Variants in CHCHD3 observed in about 807,000 individuals in gnomAD.
The protein encoded by CHCHD3 is coiled-coil-helix-coiled-coil-helix domain containing 3, also known as MICOS complex subunit MIC19.
In CHCHD3, 20 loss-of-function variants were observed where a neutral mutation model predicts 38.2. The observed-to-expected ratio is 0.52, with a 90% CI of 0.37 to 0.76. The LOEUF (loss-of-function observed/expected upper bound fraction) is 0.76. Ranked by LOEUF, CHCHD3 falls within the 30% of genes least tolerant of loss-of-function variation. The probability of loss-of-function intolerance (pLI) is 0.00; values close to 1 mark genes in which losing one functional copy is unlikely to be tolerated. For synonymous variants in CHCHD3, 82 were observed against 100.0 expected (o/e 0.82, Z 1.07); for missense variants, 245 against 279.2 (o/e 0.88, Z 0.87).
At chr7:132,843,342 G>A (rs1807991534) in intron 5 of CHCHD3, among the ~76,000 whole-genome samples, 1 of 152,126 alleles carries the variant, frequency 6.6e-6, no homozygotes, top group South Asian at 2.1e-4. Flanking sequence ...TTATTTACAA[G>A]CAGCTTGGGT....
chr7:133,030,058 A>G (rs967210536), intron 2 of CHCHD3, among the ~76,000 whole-genome samples: 1 of 152,200 alleles, frequency 6.6e-6, no homozygotes, highest in African/African-American at 2.4e-5. Flanking sequence ...CAAGGTCACA[A>G]CTGAAAAAGT....
chr7:132,980,668 C>T (rs749383195), intron 3 of CHCHD3, among the ~76,000 whole-genome samples: 4 of 152,230 alleles, frequency 2.6e-5, no homozygotes, highest in South Asian at 4.2e-4. Flanking sequence ...GTCAATCAGG[C>T]GAGGGACTTA....
intron 4 of CHCHD3, among the ~76,000 whole-genome samples, chr7:132,890,904 C>T (rs1037442439): frequency 2.0e-5 from 3 of 152,168 alleles, no homozygotes; most frequent in East Asian, 1.9e-4. Context: ...TTACAACTCA[C>T]ATAGGCAGAT....
chr7:132,885,721 G>A lies in CHCHD3; in HGVS notation c.394C>T (p.Arg132Ter), dbSNP rs1283295660. The A allele has an allele frequency of 4.4e-6, 7 of 1,608,598 alleles. No homozygotes were observed. The highest frequency in any genetic ancestry group is 2.7e-5 in the African/African-American group (2 of 74,670). ...HLARQLEEKD[R>*]VLKKQDAFYK... ...AATGCATCCTGCTTCTTTAGCACTC[G>A]GTCTTTCTCTTCCAGCTGCCTAGCC... The change falls in exon 5 of 8, where the codon CGA becomes TGA. Residue 132 changes from arginine (R) to a stop codon, truncating the protein, a stop_gained. Transcript: ENST00000262570. LOFTEE classifies it high-confidence loss of function.
chr7:132,969,051 C>G (rs2160893), intron 4 of CHCHD3, among the ~76,000 whole-genome samples: 1,621 of 152,076 alleles, frequency 0.011, 27 homozygotes, highest in African/African-American at 0.037. Context: ...TGGTGCATTT[C>G]AGACAAAAGG....
At chr7:132,984,756 C>A (rs1466988599) in intron 3 of CHCHD3, among the ~76,000 whole-genome samples, 2 of 148,882 alleles carry the variant, frequency 1.3e-5, no homozygotes, top group South Asian at 2.2e-4. Context: ...GCAACCGGCC[C>A]GTCTGAGAAG....
intron 4 of CHCHD3, among the ~76,000 whole-genome samples, chr7:132,974,317 A>G (rs1245675348): frequency 6.6e-6 from 1 of 152,196 alleles, no homozygotes; most frequent in Non-Finnish European, 1.5e-5. Flanking sequence ...TTTTAAAGAC[A>G]ACAACAAAAA....
chr7:133,044,323 A>G (rs1223137489), intron 2 of CHCHD3, among the ~76,000 whole-genome samples: 2 of 152,224 alleles, frequency 1.3e-5, no homozygotes, highest in African/African-American at 2.4e-5. Context: ...TCTCCAAAAC[A>G]TTGTCATTTA....
At chr7:132,811,418 G>A (rs958854425) in intron 6 of CHCHD3, among the ~76,000 whole-genome samples, 2 of 152,234 alleles carry the variant, frequency 1.3e-5, no homozygotes, top group African/African-American at 4.8e-5. Flanking sequence ...GCAAACAAAG[G>A]AAATGCATGT....
intron 5 of CHCHD3, among the ~76,000 whole-genome samples, chr7:132,871,478 T>G (rs939580023): frequency 1.3e-5 from 2 of 152,216 alleles, no homozygotes; most frequent in Non-Finnish European, 2.9e-5. Flanking sequence ...AAGTGCTCGT[T>G]GTAGTTCTAG....
chr7:132,893,904 T>C (rs1383760432), intron 4 of CHCHD3, among the ~76,000 whole-genome samples: 1 of 152,230 alleles, frequency 6.6e-6, no homozygotes, highest in Admixed American at 6.5e-5. Flanking sequence ...CTCTTTCCTT[T>C]ATAAACTACC....
chr7:132,953,331 C>T (rs1430240128), intron 4 of CHCHD3, among the ~76,000 whole-genome samples: 1 of 152,174 alleles, frequency 6.6e-6, no homozygotes, highest in African/African-American at 2.4e-5. Context: ...CTCTATTTCT[C>T]CCCACAACGA....
At chr7:132,852,690 G>C (rs190880649) in intron 5 of CHCHD3, among the ~76,000 whole-genome samples, 3 of 152,264 alleles carry the variant, frequency 2.0e-5, no homozygotes, top group African/African-American at 7.2e-5. Flanking sequence ...GAACAAGAAT[G>C]CTTTCCAGAA....
intron 4 of CHCHD3, among the ~76,000 whole-genome samples, chr7:132,964,261 C>G (rs774306521): frequency 6.6e-6 from 1 of 152,136 alleles, no homozygotes; most frequent in Non-Finnish European, 1.5e-5. Flanking sequence ...TCTTACCTCC[C>G]GCACAAATGA....
intron 3 of CHCHD3, among the ~76,000 whole-genome samples, chr7:133,019,334 C>G (rs1367818273): frequency 6.6e-6 from 1 of 152,042 alleles, no homozygotes; most frequent in Non-Finnish European, 1.5e-5. Flanking sequence ...TAATAAAAAT[C>G]AAGATAAATT....
chr7:132,894,870 G>C (rs1809455526), intron 4 of CHCHD3, among the ~76,000 whole-genome samples: 1 of 152,138 alleles, frequency 6.6e-6, no homozygotes, highest in Non-Finnish European at 1.5e-5. Flanking sequence ...ATTAGGTGCT[G>C]CCAGCATGTT....
intron 6 of CHCHD3, among the ~76,000 whole-genome samples, chr7:132,820,611 G>GTTTTTTTTTTTTTTTTTTTTTTTT (rs748470167): frequency 4.2e-5 from 4 of 96,192 alleles, no homozygotes; most frequent in Non-Finnish European, 4.0e-5. Flanking sequence ...ATGTGCTAGT[G>GTTTTTTTTTTTTTTTTTTTTTTTT]TTTTTTTTTT....
chr7:132,991,902 T>C (rs1253111178), intron 3 of CHCHD3, among the ~76,000 whole-genome samples: 1 of 152,190 alleles, frequency 6.6e-6, no homozygotes, highest in African/African-American at 2.4e-5. Flanking sequence ...AAGTCTCTGT[T>C]GTAATTAATT....
At chr7:133,024,734 G>A (rs1813289272) in intron 2 of CHCHD3, 107 bp from the exon 3 acceptor site, 2 of 817,438 alleles carry the variant, frequency 2.4e-6, no homozygotes, top group South Asian at 1.4e-5. Context: ...AACAGGCAAA[G>A]TTCTGCCAAG....
Sources: gnomAD v4.1 joint callset for allele counts (sites outside exome capture counted in the v4.1 genomes callset) on GRCh38, gnomAD v4.1.1 for gene constraint, MANE v1.5 for transcripts, NCBI Gene and HGNC (gene_info 2026-07-23, HGNC 2026-07-21) for gene names.